Variants in TPO observed in about 807,000 individuals in gnomAD.
The protein encoded by TPO is thyroid microsomal antigen.
A neutral mutation model predicts 96.9 loss-of-function variants in TPO; 78 were observed. The observed-to-expected ratio is 0.81, with a 90% confidence interval of 0.67 to 0.97. The LOEUF (loss-of-function observed/expected upper bound fraction) is 0.97. TPO is among the 50% of genes least tolerant of loss of function. The pLI, the probability that TPO is intolerant of heterozygous loss-of-function variation, is 0.00. For synonymous variants in TPO, 547 were observed against 538.0 expected (o/e 1.02, Z -0.23); for missense variants, 1,252 against 1,274.8 (o/e 0.98, Z 0.27).
chr2:1,428,827 G>A (rs949834), intron 3 of TPO, among the ~76,000 whole-genome samples: 6,773 of 152,150 alleles, frequency 0.045, 387 homozygotes, highest in East Asian at 0.14. Flanking sequence ...CTACCATGGC[G>A]AGTCCTGGGG....
At chr2:1,411,939 T>A (rs577903514), upstream of TPO, among the ~76,000 whole-genome samples, 3 of 152,230 alleles carry the variant, frequency 2.0e-5, no homozygotes, top group Non-Finnish European at 2.9e-5. Context: ...GCTGGGGGAC[T>A]GTGTCCCCTA....
chr2:1,537,224 CAAAT>C, intron 15 of TPO, among the ~76,000 whole-genome samples: 1 of 111,002 alleles, frequency 9.0e-6, no homozygotes, highest in Non-Finnish European at 1.8e-5. Context: ...GCCACCTCCC[CAAAT>C]CCCCCAACTG....
At position 1,407,598 on chromosome 2, in the gene TPO, A is replaced by C. The variant is rs183423131; in HGVS notation, n.180+33196A>C. 2.6e-5 allele frequency among the ~76,000 whole-genome samples: 4 copies of C among 152,328 alleles called. No individual in the cohort carries two copies. The East Asian group carries it at 7.7e-4, about 29-fold the overall frequency. On this transcript the variant is annotated intron_variant and non_coding_transcript_variant, in intron 1 of 5. Transcript: ENST00000497517. ...GGTTGTTAGGTGATGCAGGCATTTCAGGAAAGTCACAAAGTTACTTGGTCA... is the reference window on the plus strand; with the variant it reads ...GGTTGTTAGGTGATGCAGGCATTTCCGGAAAGTCACAAAGTTACTTGGTCA...
chr2:1,531,784 GCAACCTCCCCAAATCACCCCCACTCTC>G lies in TPO; in HGVS notation c.2619-8809_2619-8783del, dbSNP rs1448022313. Among the ~76,000 whole-genome samples the G allele has an allele frequency of 1.1e-3, 25 of 22,500 alleles. 3 individuals carry two copies. Among genetic ancestry groups the G allele is most frequent in the African/African-American group, 6.1e-3 (24 of 3,956 alleles). The allele number at this position is 22,500 out of a possible 152,430, so 14.8% of individuals were successfully genotyped here. ...CCTCCCCAAATCACCCCCACTCTCT[GCAACCTCCCCAAATCACCCCCACTCTC>G]TGCAACCTCCCCAAATCACCCCCAC... On this transcript the variant is annotated intron_variant, in intron 15 of 16. Coordinates refer to ENST00000329066, the MANE Select transcript of TPO (RefSeq NM_001206744.2).
chr2:1,389,485 A>T (rs575752890), intron 1 of TPO, among the ~76,000 whole-genome samples: 3 of 152,266 alleles, frequency 2.0e-5, no homozygotes, highest in African/African-American at 4.8e-5. Flanking sequence ...CTTTCATGTA[A>T]CATGGGAAAA....
At chr2:1,433,911 G>GC (rs537359610) in intron 4 of TPO, among the ~76,000 whole-genome samples, 1 of 152,098 alleles carries the variant, frequency 6.6e-6, no homozygotes, top group South Asian at 2.1e-4. Context: ...TTTTCCCATA[G>GC]CCCCCCTCTT....
At chr2:1,532,413 C>T in intron 15 of TPO, among the ~76,000 whole-genome samples, 1 of 128,928 alleles carries the variant, frequency 7.8e-6, no homozygotes. Flanking sequence ...GAGCAACCTC[C>T]CCAAATCCCC....
intron 1 of TPO, among the ~76,000 whole-genome samples, chr2:1,389,421 C>T (rs1048348645): frequency 6.6e-6 from 1 of 152,224 alleles, no homozygotes; most frequent in African/African-American, 2.4e-5. Flanking sequence ...TACTTCCCAA[C>T]TGTAATTGGA....
chr2:1,542,874 G>T lies in TPO; in HGVS notation c.*400G>T. 2.9e-6 allele frequency: 1 copy of T among 348,730 alleles called. No individual in the cohort carries two copies. The highest frequency in any genetic ancestry group is 5.5e-6 in the Non-Finnish European group (1 of 182,686). The allele number at this position is 348,730 out of a possible 1,614,324, so 21.6% of individuals were successfully genotyped here. On this transcript the variant is annotated 3_prime_UTR_variant, in exon 17 of 17. Coordinates refer to ENST00000329066, the MANE Select transcript of TPO (RefSeq NM_001206744.2). ...TTTCCACACCCCCTGCCCATCACCAGGTGTCCACAGGGCCTACATCTGGCT... is the reference window on the plus strand; with the variant it reads ...TTTCCACACCCCCTGCCCATCACCATGTGTCCACAGGGCCTACATCTGGCT...
chr2:1,409,896 G>A (rs973049705), upstream of TPO, among the ~76,000 whole-genome samples: 2 of 150,400 alleles, frequency 1.3e-5, no homozygotes, highest in Non-Finnish European at 1.5e-5. Context: ...AAAGTGTCGA[G>A]CTCATGGAAG....
upstream of TPO, among the ~76,000 whole-genome samples, chr2:1,410,339 G>A (rs1271089347): frequency 3.3e-5 from 5 of 152,230 alleles, no homozygotes; most frequent in African/African-American, 1.2e-4. Flanking sequence ...ACATCAGGCT[G>A]TAGTTTGAAG....
At chr2:1,419,806 G>T (rs1247009449) in intron 2 of TPO, among the ~76,000 whole-genome samples, 3 of 152,240 alleles carry the variant, frequency 2.0e-5, no homozygotes, top group Non-Finnish European at 4.4e-5. Context: ...CGCTCAGGGG[G>T]CTCCCTCGTG....
In TPO at chr2:1,423,102, A is replaced by T. The variant is rs1558265751; in HGVS notation, c.152A>T (p.Asp51Val). ...SVLEESKRLV[D>V]TAMYATMQRN... ...TTGGAGGAAAGCAAGCGCCTGGTGG[A>T]CACCGCCATGTACGCCACGATGCAG... Residue 51 changes from aspartate (D) to valine (V), a missense_variant, in exon 3 of 17, where the codon GAC becomes GTC. Physicochemically the swap from Asp to Val is radical, Grantham distance 152. Transcript: ENST00000329066. 1 of 1,614,088 alleles carries T rather than the reference A, an allele frequency of 6.2e-7. No homozygotes were observed.
chr2:1,462,541 C>CACAT lies in TPO; in HGVS notation c.819+6260_819+6261insCATA, dbSNP rs58980999. ...AAACACACACACACACACACACACA[C>CACAT]AGATATCAATGAAAGATAAATGAAC... On this transcript the variant is annotated intron_variant, in intron 7 of 16. Coordinates refer to ENST00000329066, the MANE Select transcript of TPO (RefSeq NM_001206744.2). 1.8e-3 allele frequency among the ~76,000 whole-genome samples: 272 copies of CACAT among 148,002 alleles called. 20 individuals are homozygous for CACAT. The highest frequency in any genetic ancestry group is 5.8e-3 in the African/African-American group (229 of 39,370).
intron 2 of TPO, among the ~76,000 whole-genome samples, chr2:1,418,314 A>G (rs954247176): frequency 1.3e-5 from 2 of 151,892 alleles, no homozygotes; most frequent in Non-Finnish European, 2.9e-5. Context: ...AGAGAGAGAA[A>G]AAAAGAAAAG....
At chr2:1,376,219 T>C (rs543059719) in intron 1 of TPO, among the ~76,000 whole-genome samples, 44 of 152,318 alleles carry the variant, frequency 2.9e-4, no homozygotes, top group African/African-American at 1.0e-3. Context: ...ACCAGGGCCA[T>C]GCAAATGTCT....
intron 5 of TPO, chr2:1,438,812 A>C (rs1394750425): frequency 1.4e-6 from 1 of 710,464 alleles, no homozygotes; most frequent in Non-Finnish European, 2.6e-6. Context: ...TGCCTGGATT[A>C]AAGAAAAATG....
chr2:1,487,744 A>C (rs2124855925), intron 9 of TPO, 77 bp from the exon 10 acceptor site: 2 of 1,590,858 alleles, frequency 1.3e-6, no homozygotes, highest in East Asian at 4.5e-5. Flanking sequence ...GTCTCAAAAA[A>C]AAAAAAAATT....
In TPO at chr2:1,516,915, T is replaced by G. The variant is rs368434991; in HGVS notation, c.2551T>G (p.Ser851Ala). The change falls in exon 15 of 17, where the codon TCC (serine) becomes GCC (alanine). Residue 851 changes from serine to alanine, a missense_variant. Transcript: ENST00000329066. ...GAGGCTCCCTCGGGTGACTTGGATC[T>G]CCATGTCGCTGGCTGCTCTGCTGAT... ...SGRLPRVTWI[S>A]MSLAALLIGG... 2 of 1,613,990 alleles carry G rather than the reference T, an allele frequency of 1.2e-6. No individual in the cohort carries two copies. The highest frequency in any genetic ancestry group is 2.2e-5 in the South Asian group (2 of 91,082).
Sources: gnomAD v4.1 joint callset for allele counts (sites outside exome capture counted in the v4.1 genomes callset) on GRCh38, gnomAD v4.1.1 for gene constraint, MANE v1.5 for transcripts, NCBI Gene and HGNC (gene_info 2026-07-23, HGNC 2026-07-21) for gene names.